The following IMMP2L variants were observed in gnomAD, a reference collection of about 807,000 sequenced individuals.
IMMP2L encodes mitochondrial inner membrane protease subunit 2.
Under a neutral mutation model 19.3 loss-of-function variants are expected in IMMP2L, and 18 were observed. That is an observed-to-expected ratio of 0.93 (90% CI 0.64 to 1.38). The LOEUF is 1.38. Among genes scored for constraint, IMMP2L ranks in the 40% most tolerant of loss-of-function variants. The pLI is 0.00. For synonymous variants in IMMP2L, 76 were observed against 73.0 expected (o/e 1.04, Z -0.21); for missense variants, 233 against 218.2 (o/e 1.07, Z -0.43).
chr7:111,172,080 A>T (rs1806507592), intron 3 of IMMP2L, among the ~76,000 whole-genome samples: 1 of 151,452 alleles, frequency 6.6e-6, no homozygotes, highest in Admixed American at 6.6e-5. Context: ...AATTTCTTCA[A>T]TATTGTGAAT....
chr7:111,028,982 A>G (rs1827136780), intron 3 of IMMP2L, among the ~76,000 whole-genome samples: 1 of 152,198 alleles, frequency 6.6e-6, no homozygotes, highest in South Asian at 2.1e-4. Flanking sequence ...TAGTGCATCA[A>G]TTAAAATTAT....
chr7:110,991,087 T>C lies in IMMP2L; in HGVS notation c.240-27522A>G, dbSNP rs116627153. Reference sequence around the variant, plus strand: ...GCACAAATCCTATGAGCTGTTTACATAGTACTGGTATTTCAAACCACATCA... The same window carrying C: ...GCACAAATCCTATGAGCTGTTTACACAGTACTGGTATTTCAAACCACATCA... On this transcript the variant is annotated intron_variant, in intron 3 of 5. Transcript: ENST00000405709. 4.1e-3 allele frequency among the ~76,000 whole-genome samples: 620 copies of C among 152,282 alleles called. 4 individuals carry two copies. Among genetic ancestry groups the C allele is most frequent in the African/African-American group, 0.014 (589 of 41,566 alleles).
chr7:111,420,943 A>G (rs1175466801), intron 3 of IMMP2L, among the ~76,000 whole-genome samples: 1 of 151,872 alleles, frequency 6.6e-6, no homozygotes, highest in African/African-American at 2.4e-5. Context: ...CGCTGGGTCA[A>G]ATGGTAATTC....
chr7:111,539,006 G>A (rs1021294614), intron 1 of IMMP2L, among the ~76,000 whole-genome samples: 10 of 151,056 alleles, frequency 6.6e-5, no homozygotes, highest in African/African-American at 2.4e-4. Context: ...TGTAGTCCCA[G>A]CTACTCGGGA....
intron 5 of IMMP2L, among the ~76,000 whole-genome samples, chr7:110,839,049 T>C (rs1418770451): frequency 6.6e-6 from 1 of 152,138 alleles, no homozygotes; most frequent in Admixed American, 6.6e-5. Context: ...GATATGTTAG[T>C]TTAACAACAA....
chr7:110,902,931 C>CAAAAAA (rs752631512), intron 4 of IMMP2L, among the ~76,000 whole-genome samples: 1 of 8,590 alleles, frequency 1.2e-4, no homozygotes, highest in African/African-American at 6.1e-4. Context: ...GACTCCGTCT[C>CAAAAAA]AAAAAAAAAA....
intron 5 of IMMP2L, among the ~76,000 whole-genome samples, chr7:110,816,795 C>G (rs1802560765): frequency 1.3e-5 from 2 of 151,308 alleles, no homozygotes; most frequent in Admixed American, 6.6e-5. Flanking sequence ...CAACCCCTGC[C>G]TTTTTTTGTT....
intron 3 of IMMP2L, among the ~76,000 whole-genome samples, chr7:111,085,367 T>G (rs182009553): frequency 6.6e-6 from 1 of 152,222 alleles, no homozygotes; most frequent in East Asian, 1.9e-4. Flanking sequence ...CCAACAACAG[T>G]GTAAAAGTGT....
intron 5 of IMMP2L, 112 bp from the exon 6 acceptor site, chr7:110,663,833 A>C: frequency 3.0e-6 from 2 of 657,378 alleles, no homozygotes; most frequent in South Asian, 5.3e-5. Flanking sequence ...GGGAGAAGTG[A>C]TGATGAATAA....
chr7:110,695,456 T>G (rs903090348), intron 5 of IMMP2L, among the ~76,000 whole-genome samples: 1 of 152,110 alleles, frequency 6.6e-6, no homozygotes, highest in Non-Finnish European at 1.5e-5. Flanking sequence ...CCTCCCAAAG[T>G]GCTGGGATTA....
intron 3 of IMMP2L, among the ~76,000 whole-genome samples, chr7:111,140,710 C>A (rs1802792877): frequency 6.6e-6 from 1 of 152,102 alleles, no homozygotes; most frequent in Non-Finnish European, 1.5e-5. Context: ...AAAATATTTC[C>A]ATCTGCCCCA....
intron 3 of IMMP2L, among the ~76,000 whole-genome samples, chr7:111,202,053 C>T (rs1810198075): frequency 6.6e-6 from 1 of 152,150 alleles, no homozygotes; most frequent in African/African-American, 2.4e-5. Context: ...AATTTCAAAG[C>T]CCATCTTTTG....
At chr7:111,345,596 A>G (rs1207593218) in intron 3 of IMMP2L, among the ~76,000 whole-genome samples, 1 of 152,024 alleles carries the variant, frequency 6.6e-6, no homozygotes, top group Non-Finnish European at 1.5e-5. Flanking sequence ...CAGGTGGAAT[A>G]TGCTTGAAAA....
At chr7:111,528,528 A>G (rs1476362936) in intron 1 of IMMP2L, among the ~76,000 whole-genome samples, 1 of 152,202 alleles carries the variant, frequency 6.6e-6, no homozygotes, top group Non-Finnish European at 1.5e-5. Flanking sequence ...TACAGCACTT[A>G]CAAGTGAGAG....
At chr7:110,738,216 C>T (rs983994017) in intron 5 of IMMP2L, among the ~76,000 whole-genome samples, 4 of 152,010 alleles carry the variant, frequency 2.6e-5, no homozygotes, top group African/African-American at 2.4e-5. Flanking sequence ...CAAAAATCTC[C>T]GAATTGTTAG....
intron 5 of IMMP2L, among the ~76,000 whole-genome samples, chr7:110,801,370 G>C (rs1801231311): frequency 6.6e-6 from 1 of 152,030 alleles, no homozygotes. Context: ...ACAAAAGTAT[G>C]CTCTCTAGAC....
intron 5 of IMMP2L, among the ~76,000 whole-genome samples, chr7:110,842,772 G>C (rs1344748712): frequency 1.3e-5 from 2 of 152,000 alleles, no homozygotes; most frequent in Non-Finnish European, 2.9e-5. Flanking sequence ...ATCTTTTTTT[G>C]TTCTTAATTA....
intron 1 of IMMP2L, among the ~76,000 whole-genome samples, chr7:111,521,957 C>T (rs75460277): frequency 0.02 from 3,034 of 152,120 alleles, 100 homozygotes; most frequent in African/African-American, 0.069. Context: ...AAGGAGGATG[C>T]CCTCCCTTTT....
chr7:111,195,276 T>G (rs957551714), intron 3 of IMMP2L, among the ~76,000 whole-genome samples: 5 of 152,150 alleles, frequency 3.3e-5, no homozygotes, highest in Non-Finnish European at 7.4e-5. Flanking sequence ...TTAATATTTT[T>G]GGAAGATTAG....
Sources: gnomAD v4.1 joint callset for allele counts (sites outside exome capture counted in the v4.1 genomes callset) on GRCh38, gnomAD v4.1.1 for gene constraint, MANE v1.5 for transcripts, NCBI Gene and HGNC (gene_info 2026-07-23, HGNC 2026-07-21) for gene names.